Variants in ROCK1 observed in about 807,000 individuals in gnomAD.
ROCK1 encodes rho-associated protein kinase 1.
ROCK1 carries 36 observed loss-of-function variants against 196.8 expected under a neutral mutation model. That is an observed-to-expected ratio of 0.18 (90% CI 0.14 to 0.24). The LOEUF is 0.24. Ranked by LOEUF, ROCK1 falls within the 10% of genes least tolerant of loss-of-function variation. ROCK1 has a pLI of 1.00. For synonymous variants in ROCK1, 443 were observed against 515.9 expected (o/e 0.86, Z 1.91); for missense variants, 920 against 1,562.0 (o/e 0.59, Z 6.93).
At chr18:20,968,940 T>C (rs1745408916) in intron 24 of ROCK1, 80 bp from the exon 25 acceptor site, 2 of 1,019,106 alleles carry the variant, frequency 2.0e-6, no homozygotes, top group Non-Finnish European at 3.0e-6. Flanking sequence ...TCTTTAATTA[T>C]TCAAATAAGT....
intron 2 of ROCK1, among the ~76,000 whole-genome samples, chr18:21,058,723 G>A (rs1196937514): frequency 6.6e-6 from 1 of 151,986 alleles, no homozygotes; most frequent in East Asian, 1.9e-4. Context: ...GGGACTATAG[G>A]CACACAACAC....
chr18:21,027,241 G>A (rs2035966392), intron 10 of ROCK1, among the ~76,000 whole-genome samples: 1 of 151,946 alleles, frequency 6.6e-6, no homozygotes, highest in Admixed American at 6.6e-5. Context: ...GCCTGGCCGA[G>A]ATTTCTACTA....
chr18:20,989,438 C>T (rs2035604390), intron 18 of ROCK1, among the ~76,000 whole-genome samples: 1 of 152,100 alleles, frequency 6.6e-6, no homozygotes. Context: ...GCCAACACAT[C>T]CAGACTGTAG....
intron 1 of ROCK1, among the ~76,000 whole-genome samples, chr18:21,078,768 C>CTTG (rs1310086226): frequency 2.0e-5 from 3 of 152,166 alleles, no homozygotes; most frequent in African/African-American, 7.2e-5. Flanking sequence ...ACTTTACAAG[C>CTTG]TTGTAATGCT....
chr18:21,018,795 C>A (rs1483672437), intron 12 of ROCK1, among the ~76,000 whole-genome samples: 2 of 152,142 alleles, frequency 1.3e-5, no homozygotes, highest in Non-Finnish European at 2.9e-5. Flanking sequence ...CACAAAATTA[C>A]CAGTGTTCCC....
chr18:20,985,295 A>G (rs2035568408), intron 19 of ROCK1, among the ~76,000 whole-genome samples: 1 of 152,210 alleles, frequency 6.6e-6, no homozygotes. Context: ...GTGGTTTACA[A>G]TGGCCTTCAT....
At chr18:20,982,098 C>T (rs2035538286) in intron 21 of ROCK1, among the ~76,000 whole-genome samples, 2 of 152,168 alleles carry the variant, frequency 1.3e-5, no homozygotes, top group Admixed American at 1.3e-4. Context: ...ATTTGACACC[C>T]ATCCAAACAT....
At chr18:20,987,230 T>C in intron 18 of ROCK1, 120 bp from the exon 19 acceptor site, 1 of 776,350 alleles carries the variant, frequency 1.3e-6, no homozygotes, top group Non-Finnish European at 2.0e-6. Flanking sequence ...GGGACTTGAA[T>C]AGAGCTAGTA....
chr18:20,991,159 T>C lies in ROCK1; in HGVS notation c.2143+17A>G. 1 of 1,565,860 alleles carries C rather than the reference T, an allele frequency of 6.4e-7. No homozygotes were observed. Among genetic ancestry groups the C allele is most frequent in the South Asian group, 1.2e-5 (1 of 82,656 alleles). ...ATTTAAAGTCAATTTTGTAAAAATATTAAAACTGACACTTACCACACATTG... is the reference window on the plus strand; with the variant it reads ...ATTTAAAGTCAATTTTGTAAAAATACTAAAACTGACACTTACCACACATTG... On this transcript the variant is annotated intron_variant, in intron 18 of 32. Coordinates refer to ENST00000399799, the MANE Select transcript of ROCK1 (RefSeq NM_005406.3).
chr18:21,028,616 G>A (rs1489083132), intron 10 of ROCK1, among the ~76,000 whole-genome samples, 160 bp downstream of exon 10: 1 of 152,028 alleles, frequency 6.6e-6, no homozygotes, highest in Non-Finnish European at 1.5e-5. Context: ...GAGTCCAAGA[G>A]AAATTAAATA....
intron 9 of ROCK1, among the ~76,000 whole-genome samples, chr18:21,031,508 G>T (rs767802763): frequency 6.6e-6 from 1 of 151,352 alleles, no homozygotes; most frequent in Non-Finnish European, 1.5e-5. Flanking sequence ...GGGAGGCTGA[G>T]GCAGGAGAAT....
chr18:21,020,134 TTAAAG>T lies in ROCK1; in HGVS notation c.1361+12_1361+16del, dbSNP rs754833561. ...ATATAAAACTTTTAATATGAAAAACTTAAAGTATATTCTCACCTGCACTTCTGCTC... is the reference window on the plus strand; with the variant it reads ...ATATAAAACTTTTAATATGAAAAACTTATATTCTCACCTGCACTTCTGCTC... On this transcript the variant is annotated intron_variant, in intron 12 of 32. Transcript: ENST00000399799. 1.2e-4 allele frequency: 177 copies of T among 1,517,066 alleles called. No individual in the cohort carries two copies. Among genetic ancestry groups the T allele is most frequent in the Non-Finnish European group, 1.5e-4 (169 of 1,108,364 alleles). The allele number at this position is 1,517,066 out of a possible 1,614,324, so 94.0% of individuals were successfully genotyped here.
intron 29 of ROCK1, among the ~76,000 whole-genome samples, chr18:20,959,075 A>G (rs1163856038): frequency 2.2e-5 from 1 of 45,258 alleles, no homozygotes; most frequent in Non-Finnish European, 3.4e-5. Context: ...TATATTATAT[A>G]ATATATATAT....
At chr18:21,110,748 C>T (rs1473661904) in intron 1 of ROCK1, 70 bp downstream of exon 1, 1 of 1,246,242 alleles carries the variant, frequency 8.0e-7, no homozygotes, top group East Asian at 2.3e-5. Flanking sequence ...TTGCAGCGAA[C>T]CAGACTAATG....
chr18:21,080,214 C>T (rs575950141), intron 1 of ROCK1, among the ~76,000 whole-genome samples: 58 of 152,148 alleles, frequency 3.8e-4, no homozygotes, highest in Middle Eastern at 3.4e-3. Context: ...AACAGTTAAA[C>T]GGCCAATTTT....
At chr18:21,024,272 T>A (rs1475372610) in intron 10 of ROCK1, among the ~76,000 whole-genome samples, 1 of 152,132 alleles carries the variant, frequency 6.6e-6, no homozygotes, top group African/African-American at 2.4e-5. Context: ...CCTTGCAGAG[T>A]TCTTTAAATT....
At chr18:21,063,810 C>T (rs1317562427) in intron 2 of ROCK1, among the ~76,000 whole-genome samples, 1 of 152,116 alleles carries the variant, frequency 6.6e-6, no homozygotes, top group African/African-American at 2.4e-5. Flanking sequence ...GAAAGTCAAG[C>T]CTCTGTATGA....
At chr18:20,968,734 A>T (rs1471442630) in intron 25 of ROCK1, 38 bp downstream of exon 25, 1 of 1,252,234 alleles carries the variant, frequency 8.0e-7, no homozygotes, top group Admixed American at 1.7e-5. Flanking sequence ...TGATTAACTC[A>T]AAAATGAACA....
intron 3 of ROCK1, among the ~76,000 whole-genome samples, 162 bp from the exon 4 acceptor site, chr18:21,049,391 CTAATGTCAAGACTT>C (rs1189315287): frequency 1.3e-5 from 2 of 152,124 alleles, no homozygotes; most frequent in African/African-American, 4.8e-5. Context: ...TTCCAAGTAG[CTAATGTCAAGACTT>C]TAATTATCAG....
Sources: allele counts gnomAD v4.1 joint callset (sites outside exome capture counted in the v4.1 genomes callset), GRCh38; gene constraint gnomAD v4.1.1; transcripts MANE v1.5; gene names NCBI Gene and HGNC (gene_info 2026-07-23, HGNC 2026-07-21).